Variants in DMXL2 observed in about 807,000 individuals in gnomAD.
DMXL2 encodes Dmx like 2.
A neutral mutation model predicts 331.1 loss-of-function variants in DMXL2; 103 were observed. That is an observed-to-expected ratio of 0.31 (90% CI 0.27 to 0.37). The LOEUF (loss-of-function observed/expected upper bound fraction) is 0.37, where lower values mean the gene tolerates loss of function less well. DMXL2 is among the 10% of genes least tolerant of loss of function. The pLI, the probability that DMXL2 is intolerant of heterozygous loss-of-function variation, is 1.00. For synonymous variants in DMXL2, 1,281 were observed against 1,252.1 expected, an observed-to-expected ratio of 1.02 and a Z score of -0.49; for missense variants, 3,171 against 3,642.9, an observed-to-expected ratio of 0.87 and a Z score of 3.33.
intron 16 of DMXL2, 52 bp from the exon 17 acceptor site, chr15:51,503,085 A>G: frequency 8.5e-7 from 1 of 1,169,812 alleles, no homozygotes; most frequent in East Asian, 2.6e-5. Flanking sequence ...ATTACTATAA[A>G]TAGGAGCTAG....
At chr15:51,526,917 TAAGAGTCACTGACCTTA>T (rs1385611020) in intron 13 of DMXL2, among the ~76,000 whole-genome samples, 1 of 152,106 alleles carries the variant, frequency 6.6e-6, no homozygotes, top group Non-Finnish European at 1.5e-5. Flanking sequence ...AGGGCAAATC[TAAGAGTCACTGACCTTA>T]AAGAGGAGGT....
chr15:51,498,572 C>T lies in DMXL2; in HGVS notation c.4652G>A (p.Ser1551Asn). The change falls in exon 18 of 44, where the codon AGC becomes AAC. Residue 1551 changes from serine to asparagine, a missense_variant. Transcript: ENST00000560891. ...TTTACCTGAGCAACTCTTATCTCTG[C>T]TTTCATCAAGCTCAGTACTAGTAGT... ...VATTSTELDESRDKSCSGRDT... is the reference protein window; with the variant it reads ...VATTSTELDENRDKSCSGRDT... The T allele has an allele frequency of 6.2e-7, 1 of 1,610,944 alleles. No homozygotes were observed. The highest frequency in any genetic ancestry group is 8.5e-7 in the Non-Finnish European group (1 of 1,178,822).
At chr15:51,564,432 A>T (rs1567124024) in intron 4 of DMXL2, among the ~76,000 whole-genome samples, 172 bp from the exon 5 acceptor site, 2 of 152,116 alleles carry the variant, frequency 1.3e-5, no homozygotes, top group Non-Finnish European at 2.9e-5. Flanking sequence ...AGAAAAAAGA[A>T]TCTTCTGGAC....
chr15:51,489,286 T>G (rs570505250), intron 20 of DMXL2, among the ~76,000 whole-genome samples: 1 of 152,294 alleles, frequency 6.6e-6, no homozygotes, highest in South Asian at 2.1e-4. Flanking sequence ...TTAGCTCACA[T>G]TGATGGCAAA....
At chr15:51,495,388 A>G (rs970352660) in intron 18 of DMXL2, among the ~76,000 whole-genome samples, 4 of 152,212 alleles carry the variant, frequency 2.6e-5, no homozygotes, top group African/African-American at 9.6e-5. Context: ...AAGAACATTT[A>G]TATTGACTCA....
chr15:51,592,383 A>G lies in DMXL2; in HGVS notation c.88-16202T>C, dbSNP rs146145675. 9.6e-3 allele frequency among the ~76,000 whole-genome samples: 1,455 copies of G among 152,306 alleles called. 20 individuals carry two copies. The highest frequency in any genetic ancestry group is 0.034 in the African/African-American group (1,399 of 41,560). On this transcript the variant is annotated intron_variant, in intron 1 of 43. Coordinates refer to ENST00000560891, the MANE Select transcript of DMXL2 (RefSeq NM_001378457.1). ...GTTAAGAGAAAAAAGAATAAAAAGAAACGAACAAAGCCTCCAAGAAATATG... is the reference window on the plus strand; with the variant it reads ...GTTAAGAGAAAAAAGAATAAAAAGAGACGAACAAAGCCTCCAAGAAATATG...
chr15:51,512,497 G>A (rs1341060840), intron 15 of DMXL2, among the ~76,000 whole-genome samples: 1 of 152,154 alleles, frequency 6.6e-6, no homozygotes, highest in African/African-American at 2.4e-5. Flanking sequence ...AAACAACACT[G>A]TAGGTGGATT....
At position 51,507,262 on chromosome 15, in the gene DMXL2, C is replaced by T; in HGVS notation, c.2645-9G>A. ...TGGTGGTGGGCGGTATCCTATTATT[C>T]AAAGGAAAAGGATATTTAAATTAGT... On this transcript the variant is annotated splice_polypyrimidine_tract_variant and intron_variant, in intron 15 of 43. Transcript: ENST00000560891. The T allele has an allele frequency of 6.3e-7, 1 of 1,598,296 alleles. No individual in the cohort carries two copies. The highest frequency in any genetic ancestry group is 1.1e-5 in the South Asian group (1 of 87,748).
At position 51,486,535 on chromosome 15, in the gene DMXL2, A is replaced by C. The variant is rs144471692; in HGVS notation, c.5218-198T>G. On this transcript the variant is annotated intron_variant, in intron 22 of 43. Coordinates refer to ENST00000560891, the MANE Select transcript of DMXL2 (RefSeq NM_001378457.1). ...CAGGTTGGAACCCAGTAGCTTCCAA[A>C]CTAGACAGATCATTTATAAAATAAG... Among the ~76,000 whole-genome samples the C allele has an allele frequency of 9.6e-3, 1,457 of 152,258 alleles. 20 individuals are homozygous for C. The highest frequency in any genetic ancestry group is 0.034 in the African/African-American group (1,401 of 41,534).
At chr15:51,588,971 T>C (rs1450017873) in intron 1 of DMXL2, among the ~76,000 whole-genome samples, 1 of 152,190 alleles carries the variant, frequency 6.6e-6, no homozygotes, top group Non-Finnish European at 1.5e-5. Context: ...GTGTGCACTA[T>C]TTTACATAGA....
chr15:51,472,744 C>A (rs2041237186), intron 28 of DMXL2, among the ~76,000 whole-genome samples: 1 of 152,266 alleles, frequency 6.6e-6, no homozygotes, highest in East Asian at 1.9e-4. Flanking sequence ...CACGAATATA[C>A]CACACTTTGT....
Position 51,502,987 on chromosome 15 carries a change from A to T in DMXL2, c.2811T>A (p.Pro937=). The change falls in exon 17 of 44, where the codon CCT becomes CCA. Residue 937 remains proline (P), a synonymous_variant. Coordinates refer to ENST00000560891, the MANE Select transcript of DMXL2 (RefSeq NM_001378457.1). ...GAGAAGAATCTACGTTCTTCTGTCC[A>T]GGGACTGAAAGTAGACTCTCAGAGG... is the stretch of plus-strand genomic sequence containing the variant. ...GASSESLLSV[P]GQKNVDSSPE... The T allele has an allele frequency of 6.2e-7, 1 of 1,613,986 alleles. No individual in the cohort carries two copies. Among genetic ancestry groups the T allele is most frequent in the Non-Finnish European group, 8.5e-7 (1 of 1,179,830 alleles).
At chr15:51,483,672 C>T (rs2042180343) in intron 23 of DMXL2, among the ~76,000 whole-genome samples, 1 of 151,794 alleles carries the variant, frequency 6.6e-6, no homozygotes, top group East Asian at 1.9e-4. Context: ...TCCCTGCACT[C>T]AGAGTTCTGG....
chr15:51,572,605 T>A (rs1385309286), intron 2 of DMXL2, among the ~76,000 whole-genome samples: 1 of 152,160 alleles, frequency 6.6e-6, no homozygotes, highest in African/African-American at 2.4e-5. Context: ...ATCGGCTTCA[T>A]CCCTGGGATA....
intron 40 of DMXL2, chr15:51,454,065 G>T: frequency 5.8e-6 from 1 of 172,484 alleles, no homozygotes; most frequent in Non-Finnish European, 1.2e-5. Context: ...TTTTCTGTCT[G>T]GAATTATAGT....
intron 1 of DMXL2, among the ~76,000 whole-genome samples, chr15:51,588,896 A>G (rs562806903): frequency 6.6e-6 from 1 of 152,286 alleles, no homozygotes; most frequent in African/African-American, 2.4e-5. Flanking sequence ...CCCCTTTTTT[A>G]CACTGTATTT....
At position 51,468,469 on chromosome 15, in the gene DMXL2, A is replaced by G. The variant is rs764146545; in HGVS notation, c.7393-2158T>C. ...AAACATATAAAATATGTTTAAATCT[A>G]TAAGTTCATAACAAAGCTGAAAGCA... On this transcript the variant is annotated intron_variant, in intron 29 of 43. Coordinates refer to ENST00000560891, the MANE Select transcript of DMXL2 (RefSeq NM_001378457.1). Among the ~76,000 whole-genome samples the G allele has an allele frequency of 2.6e-5, 4 of 152,348 alleles. No individual in the cohort carries two copies. In the Middle Eastern group the frequency reaches 0.014, roughly 518 times the overall value.
chr15:51,465,425 C>G, intron 31 of DMXL2, 141 bp downstream of exon 31: 1 of 707,316 alleles, frequency 1.4e-6, no homozygotes, highest in South Asian at 1.7e-5. Flanking sequence ...CAGATTGGAG[C>G]CTAAAATAAA....
intron 28 of DMXL2, 129 bp from the exon 29 acceptor site, chr15:51,471,530 C>T (rs1251894304): frequency 3.9e-6 from 3 of 775,356 alleles, no homozygotes; most frequent in Middle Eastern, 3.9e-4. Flanking sequence ...TCCTGTGCTT[C>T]TAAACTTTTC....
Sources: gnomAD v4.1 joint callset for allele counts (sites outside exome capture counted in the v4.1 genomes callset) on GRCh38, gnomAD v4.1.1 for gene constraint, MANE v1.5 for transcripts, NCBI Gene and HGNC (gene_info 2026-07-23, HGNC 2026-07-21) for gene names.